Variants in NEDD4 observed in about 807,000 individuals in gnomAD.
The protein encoded by NEDD4 is E3 ubiquitin-protein ligase NEDD4.
Under a neutral mutation model 144.9 loss-of-function variants are expected in NEDD4, and 99 were observed. The observed-to-expected ratio is 0.68, with a 90% confidence interval of 0.58 to 0.81. NEDD4 has a LOEUF of 0.81. NEDD4 is among the 30% of genes least tolerant of loss of function. The pLI, the probability that NEDD4 is intolerant of heterozygous loss-of-function variation, is 0.00. For missense variants in NEDD4, 985 were observed against 1,065.9 expected (o/e 0.92, Z 1.06); for synonymous variants, 318 against 350.6 (o/e 0.91, Z 1.04).
In NEDD4 at chr15:55,852,493, A is replaced by G. The variant is rs761634969; in HGVS notation, c.1077T>C (p.Asp359=). ...GLPPGWEEKQ[D]ERGRSYYVDH... is the part of the protein sequence containing the mutation. ...CTACATAATATGATCTTCCTCTTTC[A>G]TCTTGTTTTTCTTCCCAACCTGGTG... The change falls in exon 13 of 29, where the codon GAT becomes GAC. Residue 359 remains aspartate, a synonymous_variant. Transcript: ENST00000435532. 4.3e-5 allele frequency: 69 copies of G among 1,613,034 alleles called. No homozygotes were observed. The highest frequency in any genetic ancestry group is 5.8e-5 in the Non-Finnish European group (68 of 1,179,534).
chr15:55,836,781 G>A (rs1445493808), intron 24 of NEDD4, among the ~76,000 whole-genome samples: 1 of 152,032 alleles, frequency 6.6e-6, no homozygotes, highest in Non-Finnish European at 1.5e-5. Context: ...GCCCACCTCG[G>A]ACTCCCAAAG....
chr15:55,931,807 A>G (rs1391925631), intron 4 of NEDD4, among the ~76,000 whole-genome samples: 1 of 152,226 alleles, frequency 6.6e-6, no homozygotes, highest in African/African-American at 2.4e-5. Context: ...TATACAATTC[A>G]ATGGTTTTTA....
chr15:55,975,639 AC>A (rs2037686451), intron 1 of NEDD4, among the ~76,000 whole-genome samples: 1 of 150,372 alleles, frequency 6.7e-6, no homozygotes. Flanking sequence ...CAAAAAAAAA[AC>A]AAAAGGGAAA....
intron 5 of NEDD4, among the ~76,000 whole-genome samples, chr15:55,919,528 G>A (rs1432472059): frequency 6.6e-6 from 1 of 152,144 alleles, no homozygotes; most frequent in Non-Finnish European, 1.5e-5. Flanking sequence ...GATCTATACT[G>A]CTATTATAGC....
In NEDD4 at chr15:55,829,156, A is replaced by C. The variant is rs12899701; in HGVS notation, c.*741T>G. On this transcript the variant is annotated 3_prime_UTR_variant, in exon 29 of 29. Transcript: ENST00000435532. ...GTCAATAGGATATGCAGGCAAGAGA[A>C]AGGCTTTAATACTTTTTACCCATTG... 0.068 allele frequency: 10,300 copies of C among 152,520 alleles called. 439 individuals are homozygous for C. Among genetic ancestry groups the C allele is most frequent in the Non-Finnish European group, 0.099 (6,745 of 68,028 alleles). 9.4% of individuals were successfully genotyped at this position (152,520 alleles called of 1,614,324 possible). A position where few individuals can be genotyped will look rare whatever the true frequency, so the allele number is the denominator to read the frequency against.
At chr15:55,860,810 T>C in intron 9 of NEDD4, 32 bp from the exon 10 acceptor site, 2 of 1,564,262 alleles carry the variant, frequency 1.3e-6, no homozygotes, top group Non-Finnish European at 8.8e-7. Context: ...CCATCATCCA[T>C]GTCTTAAGTA....
At chr15:55,969,033 G>C (rs181889150) in intron 1 of NEDD4, among the ~76,000 whole-genome samples, 12 of 152,306 alleles carry the variant, frequency 7.9e-5, no homozygotes, top group Non-Finnish European at 1.5e-4. Context: ...GCACTGAAGA[G>C]GGTAGGAAAG....
chr15:55,842,793 G>C (rs1282050475), intron 18 of NEDD4, among the ~76,000 whole-genome samples: 5 of 152,204 alleles, frequency 3.3e-5, no homozygotes, highest in African/African-American at 1.2e-4. Context: ...GCCACTGCCT[G>C]CTAGCTGTTG....
At chr15:55,860,298 A>C (rs1595760311) in intron 11 of NEDD4, 109 bp downstream of exon 11, 2 of 1,062,896 alleles carry the variant, frequency 1.9e-6, no homozygotes, top group East Asian at 4.9e-5. Flanking sequence ...ATGTATTATT[A>C]CATATTATTG....
chr15:55,985,804 G>C (rs529232096), intron 1 of NEDD4, among the ~76,000 whole-genome samples: 1 of 151,858 alleles, frequency 6.6e-6, no homozygotes, highest in Admixed American at 6.6e-5. Flanking sequence ...ACTGTTCAGA[G>C]ATGGTCCAAG....
chr15:55,928,803 C>A (rs1294628227), intron 4 of NEDD4, among the ~76,000 whole-genome samples: 4 of 152,074 alleles, frequency 2.6e-5, no homozygotes, highest in Non-Finnish European at 5.9e-5. Flanking sequence ...GTGATATCTC[C>A]CTACTGAGTT....
chr15:55,935,255 G>C (rs1201616754), intron 4 of NEDD4, among the ~76,000 whole-genome samples: 1 of 152,132 alleles, frequency 6.6e-6, no homozygotes, highest in Non-Finnish European at 1.5e-5. Flanking sequence ...TTAAACAGTA[G>C]ATTAGGATTT....
chr15:55,931,232 T>G (rs1173338191), intron 4 of NEDD4, among the ~76,000 whole-genome samples: 1 of 152,178 alleles, frequency 6.6e-6, no homozygotes. Context: ...CTATCACAGT[T>G]GGAAATCAAC....
At position 55,837,826 on chromosome 15, in the gene NEDD4, A is replaced by G. The variant is rs746203139; in HGVS notation, c.2225T>C (p.Val742Ala). 2.5e-6 allele frequency: 4 copies of G among 1,612,094 alleles called. No individual in the cohort carries two copies. The highest frequency in any genetic ancestry group is 1.7e-5 in the Admixed American group (1 of 59,708). The change falls in exon 24 of 29, where the codon GTA becomes GCA. Residue 742 changes from valine (V) to alanine (A), a missense_variant. Coordinates refer to ENST00000435532, the MANE Select transcript of NEDD4 (RefSeq NM_006154.4). ...AGCCATTTGCTTCTGGATTCGGTTT[A>G]CAAATCGCCATTGTATTACAAGACT... ...YIYLVIQWRF[V>A]NRIQKQMAAF...
rs1471922259 is a variant in NEDD4 at position 55,828,552 on chromosome 15, T to C, written c.*1345A>G. The C allele has an allele frequency of 1.3e-5, 2 of 152,374 alleles. No individual in the cohort carries two copies. The highest frequency in any genetic ancestry group is 1.9e-4 in the East Asian group (1 of 5,194). 9.4% of individuals were successfully genotyped at this position (152,374 alleles called of 1,614,324 possible). Reference sequence around the variant, plus strand: ...TACTTTTGATTGTTTTACAAATTCATAGACACATTTGCAAGTTCCTTGAGG... The same window carrying C: ...TACTTTTGATTGTTTTACAAATTCACAGACACATTTGCAAGTTCCTTGAGG... On this transcript the variant is annotated 3_prime_UTR_variant, in exon 29 of 29. Coordinates refer to ENST00000435532, the MANE Select transcript of NEDD4 (RefSeq NM_006154.4).
chr15:55,914,268 C>T (rs2036364247), intron 5 of NEDD4, among the ~76,000 whole-genome samples: 3 of 150,348 alleles, frequency 2.0e-5, no homozygotes, highest in African/African-American at 7.3e-5. Flanking sequence ...AAGGTTTTTT[C>T]CCCCCAAAAC....
intron 4 of NEDD4, among the ~76,000 whole-genome samples, chr15:55,949,748 C>A (rs1271847172): frequency 6.6e-6 from 1 of 151,654 alleles, no homozygotes; most frequent in African/African-American, 2.4e-5. Context: ...GGGAATTGAA[C>A]AATGAGAACA....
At chr15:55,941,564 T>C (rs2037005164) in intron 4 of NEDD4, among the ~76,000 whole-genome samples, 1 of 150,512 alleles carries the variant, frequency 6.6e-6, no homozygotes, top group Admixed American at 6.6e-5. Context: ...CCCTGTTAAA[T>C]TTCTTTTTTT....
At chr15:55,930,266 A>G (rs1402582858) in intron 4 of NEDD4, among the ~76,000 whole-genome samples, 1 of 152,166 alleles carries the variant, frequency 6.6e-6, no homozygotes, top group African/African-American at 2.4e-5. Flanking sequence ...ACAACACCGA[A>G]AATATTTACT....
Sources: gnomAD v4.1 joint callset for allele counts (sites outside exome capture counted in the v4.1 genomes callset) on GRCh38, gnomAD v4.1.1 for gene constraint, MANE v1.5 for transcripts, NCBI Gene and HGNC (gene_info 2026-07-23, HGNC 2026-07-21) for gene names.